RNF149: variants seen among roughly 807,000 people sequenced by gnomAD.
The protein encoded by RNF149 is E3 ubiquitin-protein ligase RNF149.
In RNF149, 21 loss-of-function variants were observed where a neutral mutation model predicts 39.0. The observed-to-expected ratio is 0.54, with a 90% CI of 0.38 to 0.77. The LOEUF is 0.77. RNF149 is among the 30% of genes least tolerant of loss of function. The pLI is 0.00. For missense variants in RNF149, 493 were observed against 534.9 expected, an observed-to-expected ratio of 0.92 and a Z score of 0.77; for synonymous variants, 209 against 213.6, an observed-to-expected ratio of 0.98 and a Z score of 0.19.
intron 1 of RNF149, among the ~76,000 whole-genome samples, chr2:101,305,678 C>T (rs1683626275): frequency 6.6e-6 from 1 of 152,098 alleles, no homozygotes; most frequent in African/African-American, 2.4e-5. Flanking sequence ...CCCCAACACA[C>T]ACAGACACAT....
rs1683790567 is a variant in RNF149, at chr2:101,308,682, T to C, written c.-94A>G. On this transcript the variant is annotated 5_prime_UTR_variant, in exon 1 of 7. Coordinates refer to ENST00000295317, the MANE Select transcript of RNF149 (RefSeq NM_173647.4). ...GAGAAGCGGACACCCACCGCCGCCCTGGAAGACTGAGGCGGGGTCGGGGCC... is the reference window on the plus strand; with the variant it reads ...GAGAAGCGGACACCCACCGCCGCCCCGGAAGACTGAGGCGGGGTCGGGGCC... 1 of 1,188,690 alleles carries C rather than the reference T, an allele frequency of 8.4e-7. No individual in the cohort carries two copies. The highest frequency in any genetic ancestry group is 1.7e-5 in the South Asian group (1 of 59,354). 73.6% of individuals were successfully genotyped at this position (1,188,690 alleles called of 1,614,324 possible).
intron 2 of RNF149, 67 bp from the exon 3 acceptor site, chr2:101,294,149 T>A: frequency 1.1e-6 from 1 of 906,470 alleles, no homozygotes; most frequent in South Asian, 1.4e-5. Flanking sequence ...TTCTTAAAAG[T>A]CACAAATATA....
At chr2:101,277,950 C>T (rs918773401) in intron 6 of RNF149, among the ~76,000 whole-genome samples, 4 of 152,074 alleles carry the variant, frequency 2.6e-5, no homozygotes, top group Non-Finnish European at 4.4e-5. Flanking sequence ...TATATTGACC[C>T]TAAGAGGTAG....
chr2:101,297,077 T>C (rs1683260470), intron 1 of RNF149, among the ~76,000 whole-genome samples: 1 of 151,954 alleles, frequency 6.6e-6, no homozygotes, highest in Admixed American at 6.6e-5. Context: ...GGTGTGGTGG[T>C]GGGCGTCTGT....
At chr2:101,292,758 T>C (rs1371215461) in intron 3 of RNF149, among the ~76,000 whole-genome samples, 4 of 151,846 alleles carry the variant, frequency 2.6e-5, no homozygotes, top group African/African-American at 4.8e-5. Context: ...AGAGCGAGAC[T>C]CCATCTCAAA....
At chr2:101,286,626 TAC>T (rs1367034102) in intron 4 of RNF149, 13 of 153,440 alleles carry the variant, frequency 8.5e-5, no homozygotes, top group Admixed American at 7.2e-4. Flanking sequence ...TTTACTCTCT[TAC>T]ACAGTTTTGT....
At chr2:101,281,092 T>C (rs1049066314) in intron 6 of RNF149, among the ~76,000 whole-genome samples, 2 of 152,118 alleles carry the variant, frequency 1.3e-5, no homozygotes, top group African/African-American at 4.8e-5. Context: ...GTTCACTACA[T>C]TTTACCTATC....
intron 2 of RNF149, 108 bp downstream of exon 2, chr2:101,294,818 AATAAT>A (rs1180379923): frequency 1.6e-5 from 15 of 927,884 alleles, no homozygotes; most frequent in Admixed American, 2.6e-5. Flanking sequence ...TGAATACTTA[AATAAT>A]ATAAGCGAAA....
downstream of RNF149, chr2:101,273,405 T>G (rs937037343): frequency 2.1e-6 from 1 of 468,750 alleles, no homozygotes; most frequent in African/African-American, 2.0e-5. Flanking sequence ...CCTGATTTAT[T>G]ATACATTCCC....
In RNF149 at chr2:101,305,090, C is replaced by A. The variant is rs550573012; in HGVS notation, c.460+3039G>T. ...TCTTGACCTCATGATCCACCAGCAT[C>A]GGCCTCCTGATGTGCTGGGGATTAC... On this transcript the variant is annotated intron_variant, in intron 1 of 6. Transcript: ENST00000295317. Among the ~76,000 whole-genome samples the A allele has an allele frequency of 2.0e-5, 3 of 152,210 alleles. No homozygotes were observed. In the East Asian group the frequency reaches 5.8e-4, roughly 29 times the overall value.
At position 101,292,972 on chromosome 2, in the gene RNF149, CTT is replaced by C. The variant is rs34103366; in HGVS notation, c.780+1040_780+1041del. 1.2e-3 allele frequency among the ~76,000 whole-genome samples: 161 copies of C among 130,488 alleles called. 1 individual carries two copies. Among genetic ancestry groups the C allele is most frequent in the Admixed American group, 2.5e-3 (32 of 12,982 alleles). The allele number at this position is 130,488 out of a possible 152,430, so 85.6% of individuals were successfully genotyped here. A position where few individuals can be genotyped will look rare whatever the true frequency, so the allele number is the denominator to read the frequency against. On this transcript the variant is annotated intron_variant, in intron 3 of 6. Coordinates refer to ENST00000295317, the MANE Select transcript of RNF149 (RefSeq NM_173647.4). ...CTAATCTTAAGCCATGAGATGTGAT[CTT>C]TTTTTTTTTTTTTTTTTACTTTTTC...
chr2:101,292,261 A>C (rs181920683), intron 3 of RNF149, among the ~76,000 whole-genome samples: 7 of 152,302 alleles, frequency 4.6e-5, no homozygotes, highest in African/African-American at 1.7e-4. Context: ...GTCATTTAGA[A>C]ATCTTCTTAA....
intron 1 of RNF149, among the ~76,000 whole-genome samples, chr2:101,307,167 G>C (rs933646560): frequency 6.6e-6 from 1 of 152,160 alleles, no homozygotes; most frequent in African/African-American, 2.4e-5. Flanking sequence ...AGGAAGGGTT[G>C]CCTGGCAAAT....
Position 101,308,117 on chromosome 2 carries a change from C to G in RNF149, c.460+12G>C. The stretch of plus-strand genomic sequence containing the variant: ...AAGTCCCCCTCCCGTCCTCGCGCCC[C>G]GGCCTGCTCACCCGCGTGAGACATG... On this transcript the variant is annotated intron_variant, in intron 1 of 6. Coordinates refer to ENST00000295317, the MANE Select transcript of RNF149 (RefSeq NM_173647.4). The G allele has an allele frequency of 1.9e-6, 3 of 1,605,498 alleles. No homozygotes were observed. Among genetic ancestry groups the G allele is most frequent in the Admixed American group, 3.4e-5 (2 of 59,686 alleles).
At chr2:101,281,818 C>T (rs1682599908) in intron 6 of RNF149, 41 bp downstream of exon 6, 1 of 1,609,560 alleles carries the variant, frequency 6.2e-7, no homozygotes. Flanking sequence ...GCCACCACTC[C>T]TGGCCACATT....
At chr2:101,293,214 T>C (rs1265538134) in intron 3 of RNF149, among the ~76,000 whole-genome samples, 1 of 152,092 alleles carries the variant, frequency 6.6e-6, no homozygotes, top group African/African-American at 2.4e-5. Context: ...GAAAGAGATA[T>C]ACACCATAAG....
intron 5 of RNF149, among the ~76,000 whole-genome samples, chr2:101,283,240 G>GTCAT (rs1473029054): frequency 6.6e-6 from 1 of 152,178 alleles, no homozygotes; most frequent in African/African-American, 2.4e-5. Context: ...CTTTGGCCAT[G>GTCAT]TCATGTCTGT....
chr2:101,282,512 G>A (rs924448189), intron 5 of RNF149, among the ~76,000 whole-genome samples: 6 of 152,046 alleles, frequency 3.9e-5, no homozygotes, highest in East Asian at 1.9e-4. Context: ...GGCTCCTTCC[G>A]TATGGACAGG....
intron 1 of RNF149, among the ~76,000 whole-genome samples, chr2:101,302,767 T>G (rs1021361256): frequency 6.6e-6 from 1 of 151,508 alleles, no homozygotes; most frequent in African/African-American, 2.4e-5. Flanking sequence ...ACAGCTTGAG[T>G]CCAGGAATTC....
Sources: gnomAD v4.1 joint callset for allele counts (sites outside exome capture counted in the v4.1 genomes callset) on GRCh38, gnomAD v4.1.1 for gene constraint, MANE v1.5 for transcripts, NCBI Gene and HGNC (gene_info 2026-07-23, HGNC 2026-07-21) for gene names.